The following AK8 variants were observed in gnomAD, a reference collection of about 807,000 sequenced individuals.
AK8 encodes ATP-AMP transphosphorylase 8.
AK8 carries 44 observed loss-of-function variants against 54.6 expected under a neutral mutation model. That is an observed-to-expected ratio of 0.81 (90% CI 0.63 to 1.04). The LOEUF (loss-of-function observed/expected upper bound fraction) is 1.04, where lower values mean the gene tolerates loss of function less well. Ranked by LOEUF, AK8 falls within the 50% of genes least tolerant of loss-of-function variation. The probability of loss-of-function intolerance (pLI) is 0.00; values close to 1 mark genes in which losing one functional copy is unlikely to be tolerated. For missense variants in AK8, 555 were observed against 613.6 expected, an observed-to-expected ratio of 0.90 and a Z score of 1.01; for synonymous variants, 239 against 245.6, an observed-to-expected ratio of 0.97 and a Z score of 0.25.
chr9:132,848,141 AAAG>A lies in AK8; in HGVS notation c.402+6713_402+6715del, dbSNP rs1178103058. On this transcript the variant is annotated intron_variant, in intron 5 of 12. Coordinates refer to ENST00000298545, the MANE Select transcript of AK8 (RefSeq NM_152572.3). ...AAAAAAAAAAAAAAAAAAAAAAAAA[AAAG>A]ATTGAAGAGAAGAAAGGAAGACTCC... Among the ~76,000 whole-genome samples the A allele has an allele frequency of 3.8e-4, 35 of 92,552 alleles. 1 individual carries two copies. The highest frequency in any genetic ancestry group is 1.4e-3 in the Admixed American group (15 of 10,758). 60.7% of individuals were successfully genotyped at this position (92,552 alleles called of 152,430 possible).
chr9:132,828,743 G>A lies in AK8; in HGVS notation c.403-17C>T. ...AATCCAGCCCTAGACAGAAGATTCA[G>A]AGAGGTGCTCATCTGTTTTGAGTTT... On this transcript the variant is annotated splice_polypyrimidine_tract_variant and intron_variant, in intron 5 of 12. Coordinates refer to ENST00000298545, the MANE Select transcript of AK8 (RefSeq NM_152572.3). 1 of 1,589,770 alleles carries A rather than the reference G, an allele frequency of 6.3e-7. No individual in the cohort carries two copies. Among genetic ancestry groups the A allele is most frequent in the Non-Finnish European group, 8.6e-7 (1 of 1,161,918 alleles).
At chr9:132,855,534 G>A (rs1418038707) in intron 4 of AK8, among the ~76,000 whole-genome samples, 1 of 152,158 alleles carries the variant, frequency 6.6e-6, no homozygotes, top group Admixed American at 6.5e-5. Context: ...CACGGTGGGA[G>A]TGTCTACACC....
chr9:132,835,390 C>G (rs1333589554), intron 5 of AK8, among the ~76,000 whole-genome samples: 1 of 152,208 alleles, frequency 6.6e-6, no homozygotes, highest in East Asian at 1.9e-4. Context: ...TTCTCCAAGT[C>G]AGACATAATG....
intron 12 of AK8, among the ~76,000 whole-genome samples, chr9:132,726,126 C>T (rs551749729): frequency 2.6e-5 from 4 of 152,158 alleles, no homozygotes; most frequent in South Asian, 2.1e-4. Context: ...ATGTGCTCCC[C>T]GCTCAAGGGA....
intron 11 of AK8, among the ~76,000 whole-genome samples, chr9:132,768,092 A>T (rs1330774608): frequency 6.6e-6 from 1 of 152,228 alleles, no homozygotes; most frequent in East Asian, 1.9e-4. Context: ...AAATAGCCAG[A>T]AGAGATTTGA....
At chr9:132,754,777 T>A (rs1838105337) in intron 11 of AK8, among the ~76,000 whole-genome samples, 1 of 151,854 alleles carries the variant, frequency 6.6e-6, no homozygotes, top group African/African-American at 2.4e-5. Context: ...AGCCAAAACA[T>A]TACCACTGAT....
At chr9:132,776,494 G>A (rs1839224734) in intron 11 of AK8, among the ~76,000 whole-genome samples, 1 of 152,194 alleles carries the variant, frequency 6.6e-6, no homozygotes, top group Non-Finnish European at 1.5e-5. Flanking sequence ...GAAGGGTGGT[G>A]GTGACCAAGC....
Position 132,817,491 on chromosome 9 carries a change from T to C in AK8, c.890-2764A>G, listed in dbSNP as rs368904979. On this transcript the variant is annotated intron_variant, in intron 9 of 12. Coordinates refer to ENST00000298545, the MANE Select transcript of AK8 (RefSeq NM_152572.3). ...ACACTTAAAACCTTAAAGGAAAAGATAGTTAAAATGAGTGAACAGATGGAG... is the reference window on the plus strand; with the variant it reads ...ACACTTAAAACCTTAAAGGAAAAGACAGTTAAAATGAGTGAACAGATGGAG... Among the ~76,000 whole-genome samples, 31 of 152,204 alleles carry C rather than the reference T, an allele frequency of 2.0e-4. 4 individuals are homozygous for C. The highest frequency in any genetic ancestry group is 1.5e-3 in the Admixed American group (23 of 15,290).
chr9:132,855,197 C>T (rs1843130703), intron 4 of AK8, among the ~76,000 whole-genome samples: 1 of 152,196 alleles, frequency 6.6e-6, no homozygotes, highest in South Asian at 2.1e-4. Context: ...CTCCAGGGCT[C>T]CCTCAGAGCC....
intron 1 of AK8, among the ~76,000 whole-genome samples, chr9:132,876,777 G>A (rs1332336791): frequency 1.3e-5 from 2 of 152,132 alleles, no homozygotes; most frequent in East Asian, 1.9e-4. Flanking sequence ...ATCCACAGAT[G>A]ACTAAGGACT....
rs1427843511 is a variant in AK8, at chr9:132,842,915, GC to G, written c.402+11941del. ...CAGCCATGTGGGCTTCTCCAACATAGCTGCATACTTCATCATGCCAGCAAGG... is the reference window on the plus strand; with the variant it reads ...CAGCCATGTGGGCTTCTCCAACATAGTGCATACTTCATCATGCCAGCAAGG... On this transcript the variant is annotated intron_variant, in intron 5 of 12. Transcript: ENST00000298545. Among the ~76,000 whole-genome samples, 5 of 152,352 alleles carry G rather than the reference GC, an allele frequency of 3.3e-5. 1 individual carries two copies. Among genetic ancestry groups the G allele is most frequent in the East Asian group, 1.9e-4 (1 of 5,178 alleles).
chr9:132,827,185 A>C, intron 7 of AK8, 131 bp from the exon 8 acceptor site: 1 of 829,358 alleles, frequency 1.2e-6, no homozygotes, highest in South Asian at 1.6e-5. Context: ...TGACCACGGC[A>C]GGACACCGTT....
At position 132,790,632 on chromosome 9, in the gene AK8, C is replaced by A. The variant is rs1839907916; in HGVS notation, c.1121+2002G>T. 6.6e-6 allele frequency among the ~76,000 whole-genome samples: 1 copy of A among 152,216 alleles called. No homozygotes were observed. The highest frequency in any genetic ancestry group is 2.4e-5 in the African/African-American group (1 of 41,530). ...TAATGTCAGCAGTACCAGGACAGCCCTTATGGTCAGGAAAAACCACCGTGT... is the reference window on the plus strand; with the variant it reads ...TAATGTCAGCAGTACCAGGACAGCCATTATGGTCAGGAAAAACCACCGTGT... On this transcript the variant is annotated intron_variant, in intron 11 of 12. Coordinates refer to ENST00000298545, the MANE Select transcript of AK8 (RefSeq NM_152572.3). The surrounding 1 kb of genome is among the most constrained non-coding windows in gnomAD (Gnocchi z 4.1).
intron 10 of AK8, among the ~76,000 whole-genome samples, chr9:132,801,332 T>C (rs572585414): frequency 6.6e-6 from 1 of 152,326 alleles, no homozygotes; most frequent in African/African-American, 2.4e-5. Flanking sequence ...TAGTAAAACT[T>C]CTCTATTGGA....
intron 10 of AK8, among the ~76,000 whole-genome samples, chr9:132,802,078 C>T (rs956056521): frequency 6.6e-6 from 1 of 152,220 alleles, no homozygotes; most frequent in Non-Finnish European, 1.5e-5. Context: ...GCCAAGGCTT[C>T]CTCCTCTTCA....
At chr9:132,835,162 G>A (rs1002354043) in intron 5 of AK8, among the ~76,000 whole-genome samples, 4 of 152,186 alleles carry the variant, frequency 2.6e-5, no homozygotes, top group Admixed American at 6.5e-5. Flanking sequence ...GAGCCACTGC[G>A]CCCGGCTTCA....
intron 11 of AK8, among the ~76,000 whole-genome samples, chr9:132,765,289 T>C (rs1469825526): frequency 4.7e-5 from 1 of 21,198 alleles, no homozygotes; most frequent in African/African-American, 1.2e-4. Context: ...CGAGACTCCA[T>C]TTCAAAAAAA....
chr9:132,857,777 C>T (rs113423930), intron 4 of AK8, among the ~76,000 whole-genome samples: 12 of 152,332 alleles, frequency 7.9e-5, no homozygotes, highest in African/African-American at 2.6e-4. Flanking sequence ...GGCACAGCAC[C>T]CCCTGCAGCC....
intron 9 of AK8, among the ~76,000 whole-genome samples, chr9:132,820,055 T>C (rs1008863974): frequency 9.5e-5 from 14 of 146,778 alleles, no homozygotes; most frequent in African/African-American, 3.3e-4. Context: ...CTTGGGAGGC[T>C]GAGGCGGGAG....
Sources: gnomAD v4.1 joint callset for allele counts (sites outside exome capture counted in the v4.1 genomes callset) on GRCh38, gnomAD v4.1.1 for gene constraint, Gnocchi (gnomAD v3.1) non-coding constraint, MANE v1.5 for transcripts, NCBI Gene and HGNC (gene_info 2026-07-23, HGNC 2026-07-21) for gene names.